PRDM6: variants seen among roughly 807,000 people sequenced by gnomAD.
The protein encoded by PRDM6 is PR/SET domain 6.
PRDM6 carries 25 observed loss-of-function variants against 60.8 expected under a neutral mutation model. The ratio of observed to expected loss-of-function variants is 0.41; its 90% confidence interval spans 0.30 to 0.57. The LOEUF (loss-of-function observed/expected upper bound fraction) is 0.57. Among genes scored for constraint, PRDM6 ranks in the 20% least tolerant of loss-of-function variants. PRDM6 has a pLI of 0.27. For missense variants in PRDM6, 839 were observed against 821.3 expected (o/e 1.02, Z -0.26); for synonymous variants, 407 against 357.4 (o/e 1.14, Z -1.57).
intron 5 of PRDM6, among the ~76,000 whole-genome samples, chr5:123,166,303 C>T (rs117769744): frequency 6.6e-6 from 1 of 152,188 alleles, no homozygotes; most frequent in South Asian, 2.1e-4. Context: ...TTGCCTTTTC[C>T]TCCCTTTGCA....
intron 3 of PRDM6, among the ~76,000 whole-genome samples, chr5:123,128,233 G>A (rs982884214): frequency 3.9e-5 from 6 of 152,206 alleles, no homozygotes; most frequent in Non-Finnish European, 2.9e-5. Flanking sequence ...AAACATACGT[G>A]TGCATGTGTC....
At chr5:123,124,072 A>G (rs13165146) in intron 3 of PRDM6, among the ~76,000 whole-genome samples, 2 of 152,134 alleles carry the variant, frequency 1.3e-5, no homozygotes, top group Admixed American at 6.5e-5. Context: ...GGTCAGGCCA[A>G]CCTTAGAGAC....
intron 5 of PRDM6, among the ~76,000 whole-genome samples, chr5:123,163,370 C>T (rs1192374280): frequency 6.6e-6 from 1 of 152,140 alleles, no homozygotes; most frequent in Non-Finnish European, 1.5e-5. Flanking sequence ...TACACATTTC[C>T]TATCGAGAGT....
At chr5:123,118,466 A>G (rs574434282) in intron 3 of PRDM6, among the ~76,000 whole-genome samples, 124 of 152,338 alleles carry the variant, frequency 8.1e-4, no homozygotes, top group African/African-American at 3.0e-3. Flanking sequence ...GGCAGCTTGC[A>G]AATGAAGAGA....
chr5:123,098,714 C>G (rs1764020473), intron 2 of PRDM6, among the ~76,000 whole-genome samples: 1 of 152,370 alleles, frequency 6.6e-6, no homozygotes, highest in Admixed American at 6.5e-5. Context: ...GCCGTCGGGG[C>G]AGGAGTTGGT....
At chr5:123,110,554 CTTTTTTTTTTTTTCTT>C (rs1458897757) in intron 3 of PRDM6, among the ~76,000 whole-genome samples, 11 of 127,536 alleles carry the variant, frequency 8.6e-5, no homozygotes, top group South Asian at 2.5e-4. Flanking sequence ...ACCCGGCCTA[CTTTTTTTTTTTTTCTT>C]TTTTTTTTTT....
chr5:123,184,739 T>G (rs537334614), intron 7 of PRDM6, among the ~76,000 whole-genome samples: 153 of 152,322 alleles, frequency 1.0e-3, no homozygotes, highest in African/African-American at 3.3e-3. Flanking sequence ...TGTAAGATAA[T>G]GAACATAAAA....
At chr5:123,167,635 T>G (rs1765783569) in intron 5 of PRDM6, among the ~76,000 whole-genome samples, 1 of 152,102 alleles carries the variant, frequency 6.6e-6, no homozygotes, top group Non-Finnish European at 1.5e-5. Context: ...GTGATCTGCT[T>G]GCGTCAGCCT....
Position 123,137,843 on chromosome 5 carries a change from C to T in PRDM6, c.901-18041C>T, listed in dbSNP as rs145799584. On this transcript the variant is annotated intron_variant, in intron 3 of 7. Transcript: ENST00000407847. ...ACACAGAAAAGTGTTCTTAATATACCTGGCACATCAAACCCACAGTTTTAC... is the reference window on the plus strand; with the variant it reads ...ACACAGAAAAGTGTTCTTAATATACTTGGCACATCAAACCCACAGTTTTAC... 2.1e-3 allele frequency among the ~76,000 whole-genome samples: 324 copies of T among 152,088 alleles called. 1 individual carries two copies. Among genetic ancestry groups the T allele is most frequent in the African/African-American group, 7.4e-3 (305 of 41,482 alleles).
intron 5 of PRDM6, among the ~76,000 whole-genome samples, chr5:123,166,487 A>G (rs1765756673): frequency 6.6e-6 from 1 of 152,006 alleles, no homozygotes. Context: ...GAAACTGGCA[A>G]GTGTCTTGCA....
intron 5 of PRDM6, among the ~76,000 whole-genome samples, chr5:123,166,006 A>G (rs75695976): frequency 6.6e-6 from 1 of 152,122 alleles, no homozygotes; most frequent in Non-Finnish European, 1.5e-5. Context: ...TAGATTCTAA[A>G]CATCTCTAGA....
At chr5:123,149,088 C>G (rs1765316377) in intron 3 of PRDM6, among the ~76,000 whole-genome samples, 9 of 152,152 alleles carry the variant, frequency 5.9e-5, no homozygotes, top group Admixed American at 5.9e-4. Flanking sequence ...AACTGATGTT[C>G]TTTGCTTGTG....
chr5:123,157,123 G>A (rs1765520802), intron 4 of PRDM6, among the ~76,000 whole-genome samples: 1 of 146,728 alleles, frequency 6.8e-6, no homozygotes, highest in African/African-American at 2.5e-5. Context: ...CCCCTTGTTG[G>A]TTAAAGGCTG....
chr5:123,106,512 A>G (rs368953401), intron 3 of PRDM6, among the ~76,000 whole-genome samples: 73 of 152,348 alleles, frequency 4.8e-4, no homozygotes, highest in Middle Eastern at 3.4e-3. Flanking sequence ...GGACACATCC[A>G]GTGCATTACA....
At chr5:123,147,279 AAGAGAGAGAGAG>A (rs3036135) in intron 3 of PRDM6, among the ~76,000 whole-genome samples, 3 of 147,484 alleles carry the variant, frequency 2.0e-5, no homozygotes, top group Non-Finnish European at 4.5e-5. Context: ...TGATACTAAA[AAGAGAGAGAGAG>A]AGAGAGAGAG....
intron 6 of PRDM6, 47 bp downstream of exon 6, chr5:123,171,155 C>G (rs912430700): frequency 7.0e-7 from 1 of 1,430,762 alleles, no homozygotes; most frequent in African/African-American, 1.4e-5. Flanking sequence ...TAGTGAGACC[C>G]ACTGCTTGCC....
At chr5:123,174,385 C>T (rs1336331152) in intron 6 of PRDM6, among the ~76,000 whole-genome samples, 1 of 152,182 alleles carries the variant, frequency 6.6e-6, no homozygotes, top group Non-Finnish European at 1.5e-5. Context: ...TTCCCTTGCT[C>T]AGAAAACTCA....
intron 3 of PRDM6, among the ~76,000 whole-genome samples, chr5:123,150,221 G>C (rs80193381): frequency 6.6e-6 from 1 of 151,876 alleles, no homozygotes; most frequent in African/African-American, 2.4e-5. Flanking sequence ...GAAAGTCTCA[G>C]TTTCCTTAAG....
chr5:123,118,402 T>G (rs1411309390), intron 3 of PRDM6, among the ~76,000 whole-genome samples: 1 of 152,168 alleles, frequency 6.6e-6, no homozygotes, highest in Non-Finnish European at 1.5e-5. Flanking sequence ...GAGTTGCGGT[T>G]TGAGATGCAA....
Sources: gnomAD v4.1 joint callset for allele counts (sites outside exome capture counted in the v4.1 genomes callset) on GRCh38, gnomAD v4.1.1 for gene constraint, MANE v1.5 for transcripts, NCBI Gene and HGNC (gene_info 2026-07-23, HGNC 2026-07-21) for gene names.